SRD5A1: variants seen among roughly 807,000 people sequenced by gnomAD.
SRD5A1 encodes the protein 3-oxo-5-alpha-steroid 4-dehydrogenase 1.
In SRD5A1, 22 loss-of-function variants were observed where a neutral mutation model predicts 28.2. The ratio of observed to expected loss-of-function variants is 0.78; its 90% CI spans 0.56 to 1.12. The LOEUF is 1.12. Ranked by LOEUF, SRD5A1 falls within the 50% of genes most tolerant of loss-of-function variation. The pLI is 0.00. For missense variants in SRD5A1, 300 were observed against 346.7 expected (o/e 0.87, Z 1.07); for synonymous variants, 151 against 135.0 (o/e 1.12, Z -0.82).
At chr5:6,655,286 C>G (rs1012087166) in intron 2 of SRD5A1, among the ~76,000 whole-genome samples, 2 of 152,172 alleles carry the variant, frequency 1.3e-5, no homozygotes, top group African/African-American at 4.8e-5. Context: ...ATCAATATTT[C>G]TTTTATAAAA....
chr5:6,668,150 G>A, intron 4 of SRD5A1, 52 bp from the exon 5 acceptor site: 3 of 1,175,924 alleles, frequency 2.6e-6, no homozygotes, highest in Non-Finnish European at 3.6e-6. Context: ...GTTAGCATTG[G>A]TTAAATGTCT....
Position 6,651,926 on chromosome 5 carries a change from T to C in SRD5A1, c.378T>C (p.Cys126=), listed in dbSNP as rs1267676383. The change falls in exon 2 of 5, where the codon TGT becomes TGC. Residue 126 remains cysteine, a synonymous_variant. Transcript: ENST00000274192. ...ACTMAIMFCT[C]NGYLQSRYLS... ...CAATGGCGATTATGTTCTGTACCTGTAACGGCTATTTGCAAAGCAGATACT... is the reference window on the plus strand; with the variant it reads ...CAATGGCGATTATGTTCTGTACCTGCAACGGCTATTTGCAAAGCAGATACT... The C allele has an allele frequency of 6.2e-7, 1 of 1,614,128 alleles. No homozygotes were observed. The highest frequency in any genetic ancestry group is 1.7e-5 in the Admixed American group (1 of 60,022).
chr5:6,663,482 G>A (rs971241696), intron 4 of SRD5A1, among the ~76,000 whole-genome samples: 2 of 152,184 alleles, frequency 1.3e-5, no homozygotes, highest in African/African-American at 2.4e-5. Flanking sequence ...CCCCTAAAAT[G>A]ACATCATTTT....
At chr5:6,635,555 C>A (rs1240167479) in intron 1 of SRD5A1, among the ~76,000 whole-genome samples, 1 of 152,208 alleles carries the variant, frequency 6.6e-6, no homozygotes, top group Non-Finnish European at 1.5e-5. Flanking sequence ...GTGATGGAAC[C>A]CCCCTGTGGG....
intron 1 of SRD5A1, among the ~76,000 whole-genome samples, chr5:6,643,429 C>T (rs528271672): frequency 8.5e-5 from 13 of 152,278 alleles, no homozygotes; most frequent in African/African-American, 3.1e-4. Flanking sequence ...CTCAGTCTCC[C>T]AAGTAGCTGG....
intron 1 of SRD5A1, among the ~76,000 whole-genome samples, chr5:6,638,925 T>C (rs1489908026): frequency 5.3e-5 from 8 of 152,316 alleles, no homozygotes; most frequent in Admixed American, 4.6e-4. Flanking sequence ...TCATTAAAAT[T>C]AACCACTCTC....
At chr5:6,660,172 A>G (rs1394944164) in intron 3 of SRD5A1, among the ~76,000 whole-genome samples, 3 of 152,222 alleles carry the variant, frequency 2.0e-5, no homozygotes. Flanking sequence ...GTGTGTGACA[A>G]CCAGTTTGTG....
rs1739049826 is a variant in SRD5A1, at chr5:6,662,842, G to A, written c.589G>A (p.Ala197Thr). Reference sequence around the variant, plus strand: ...AGGCTTATTTGAATACGTAACTGCAGCCAACTATTTTGGAGAAATCATGGA... The same window carrying A: ...AGGCTTATTTGAATACGTAACTGCAACCAACTATTTTGGAGAAATCATGGA... Reference protein sequence around the residue: ...RGGLFEYVTAANYFGEIMEWC... With the variant: ...RGGLFEYVTATNYFGEIMEWC... Residue 197 changes from alanine (A) to threonine (T), a missense_variant, in exon 4 of 5, where the codon GCC becomes ACC. Around this residue, in one of 2 missense-constraint regions of SRD5A1, gnomAD observed 126 missense variants for 185.7 expected, o/e 0.68. Coordinates refer to ENST00000274192, the MANE Select transcript of SRD5A1 (RefSeq NM_001047.4). 1 of 1,612,516 alleles carries A rather than the reference G, an allele frequency of 6.2e-7. No individual in the cohort carries two copies. Among genetic ancestry groups the A allele is most frequent in the Admixed American group, 1.7e-5 (1 of 60,000 alleles).
Position 6,674,151 on chromosome 5 carries a change from TATC to T in SRD5A1, c.*5884_*5886del, listed in dbSNP as rs1284612272. 4 of 151,910 alleles carry T rather than the reference TATC, an allele frequency of 2.6e-5. No individual in the cohort carries two copies. Among genetic ancestry groups the T allele is most frequent in the African/African-American group, 9.7e-5 (4 of 41,398 alleles). 9.4% of individuals were successfully genotyped at this position (151,910 alleles called of 1,614,324 possible). ...GATTTATTTTACTTATTTTCATTAT[TATC>T]TAAAATGTTATTTAATTATTAAATT... On this transcript the variant is annotated 3_prime_UTR_variant, in exon 5 of 5. Transcript: ENST00000274192.
At chr5:6,657,846 G>A (rs1420802758) in intron 3 of SRD5A1, among the ~76,000 whole-genome samples, 1 of 152,102 alleles carries the variant, frequency 6.6e-6, no homozygotes, top group Non-Finnish European at 1.5e-5. Context: ...TCCATTTCCT[G>A]CTCTCAGTGT....
chr5:6,640,408 C>T (rs571766265), intron 1 of SRD5A1, among the ~76,000 whole-genome samples: 1 of 152,320 alleles, frequency 6.6e-6, no homozygotes, highest in South Asian at 2.1e-4. Context: ...AATTCTGGCA[C>T]ATTAATACTC....
intron 3 of SRD5A1, among the ~76,000 whole-genome samples, chr5:6,662,416 AG>A (rs1739034983): frequency 6.6e-6 from 1 of 152,256 alleles, no homozygotes; most frequent in South Asian, 2.1e-4. Context: ...GCATTTGTGA[AG>A]ATGTGACGAA....
chr5:6,660,137 G>GTACATACA (rs1423969221), intron 3 of SRD5A1, among the ~76,000 whole-genome samples: 32 of 152,334 alleles, frequency 2.1e-4, no homozygotes, highest in African/African-American at 7.2e-4. Flanking sequence ...GGCTGAACTA[G>GTACATACA]GGCTTAGGAC....
intron 2 of SRD5A1, among the ~76,000 whole-genome samples, chr5:6,655,297 C>T (rs1243382388): frequency 6.6e-6 from 1 of 152,150 alleles, no homozygotes; most frequent in Non-Finnish European, 1.5e-5. Context: ...TTTTATAAAA[C>T]ACTGTTTTGG....
intron 3 of SRD5A1, among the ~76,000 whole-genome samples, chr5:6,660,081 G>A (rs1738958478): frequency 6.6e-6 from 1 of 152,202 alleles, no homozygotes. Flanking sequence ...CAAATAAAGA[G>A]ATAAAGAGAG....
At chr5:6,637,767 G>T (rs1738239619) in intron 1 of SRD5A1, among the ~76,000 whole-genome samples, 1 of 152,184 alleles carries the variant, frequency 6.6e-6, no homozygotes, top group Non-Finnish European at 1.5e-5. Flanking sequence ...ACAGTCAGAT[G>T]CCCAGAGGCC....
intron 4 of SRD5A1, among the ~76,000 whole-genome samples, chr5:6,663,583 G>C (rs1739074108): frequency 6.6e-6 from 1 of 152,240 alleles, no homozygotes; most frequent in Admixed American, 6.5e-5. Context: ...AAAGGGACTG[G>C]GCGCGGTGGC....
At chr5:6,636,632 A>G (rs751682504) in intron 1 of SRD5A1, among the ~76,000 whole-genome samples, 12 of 152,188 alleles carry the variant, frequency 7.9e-5, no homozygotes, top group Non-Finnish European at 1.6e-4. Context: ...AGCTCTTCCC[A>G]GAGCAACTGA....
At chr5:6,637,749 C>T (rs1285910116) in intron 1 of SRD5A1, among the ~76,000 whole-genome samples, 2 of 145,340 alleles carry the variant, frequency 1.4e-5, no homozygotes, top group African/African-American at 2.6e-5. Flanking sequence ...AAATGGTGCC[C>T]AGAGTGCACA....
Sources: allele counts gnomAD v4.1 joint callset (sites outside exome capture counted in the v4.1 genomes callset), GRCh38; gene constraint gnomAD v4.1.1; regional missense constraint gnomAD v4.1.1; transcripts MANE v1.5; gene names NCBI Gene and HGNC (gene_info 2026-07-23, HGNC 2026-07-21).